PPP3CA: variants seen among roughly 807,000 people sequenced by gnomAD.
PPP3CA encodes CAM-PRP catalytic subunit.
A neutral mutation model predicts 66.5 loss-of-function variants in PPP3CA; 14 were observed. That is an observed-to-expected ratio of 0.21 (90% CI 0.14 to 0.33). The LOEUF is 0.33. PPP3CA is among the 10% of genes least tolerant of loss of function. The pLI, the probability that PPP3CA is intolerant of heterozygous loss-of-function variation, is 1.00. For missense variants in PPP3CA, 317 were observed against 639.5 expected (o/e 0.50, Z 5.44); for synonymous variants, 232 against 226.2 (o/e 1.03, Z -0.23).
intron 2 of PPP3CA, among the ~76,000 whole-genome samples, chr4:101,133,033 T>G (rs1722499659): frequency 8.0e-6 from 1 of 125,576 alleles, no homozygotes; most frequent in Non-Finnish European, 1.6e-5. Context: ...AAAAAGGCCT[T>G]CGATAAAATT....
intron 8 of PPP3CA, among the ~76,000 whole-genome samples, chr4:101,073,364 C>T (rs1034071900): frequency 6.6e-6 from 1 of 151,586 alleles, no homozygotes; most frequent in South Asian, 2.1e-4. Context: ...GCAACCTCGG[C>T]CTCCCGGGTT....
intron 6 of PPP3CA, among the ~76,000 whole-genome samples, chr4:101,091,811 T>A (rs1729953663): frequency 6.9e-6 from 1 of 145,410 alleles, no homozygotes; most frequent in African/African-American, 2.6e-5. Context: ...CAGGTTAAGT[T>A]CTTCAGTATC....
chr4:101,106,437 GAAAGAAAGAAAGAAAGA>G lies in PPP3CA; in HGVS notation c.384+2500_384+2516del, dbSNP rs1560604941. On this transcript the variant is annotated intron_variant, in intron 3 of 13. Transcript: ENST00000394854. ...AGAAAGAAAGAAAGAAAGAAAGAAA[GAAAGAAAGAAAGAAAGA>G]GAAAAGAAAAGAAAAGAAAAGAAAA... Among the ~76,000 whole-genome samples the G allele has an allele frequency of 6.8e-3, 83 of 12,146 alleles. 20 individuals carry two copies. Among genetic ancestry groups the G allele is most frequent in the African/African-American group, 0.021 (78 of 3,778 alleles). 8.0% of individuals were successfully genotyped at this position (12,146 alleles called of 152,430 possible). A position where few individuals can be genotyped will look rare whatever the true frequency, so the allele number is the denominator to read the frequency against.
chr4:101,233,529 A>G (rs1726030760), intron 1 of PPP3CA, among the ~76,000 whole-genome samples: 2 of 151,752 alleles, frequency 1.3e-5, no homozygotes, highest in African/African-American at 4.8e-5. Context: ...ATGTAAATAA[A>G]CCTTAAAATG....
intron 1 of PPP3CA, among the ~76,000 whole-genome samples, chr4:101,329,156 C>A (rs1729295390): frequency 2.0e-5 from 3 of 152,132 alleles, no homozygotes; most frequent in African/African-American, 4.8e-5. Context: ...AGGAAAAGTT[C>A]TTCAAAGAAA....
At chr4:101,167,392 A>G (rs1029469231) in intron 2 of PPP3CA, among the ~76,000 whole-genome samples, 1 of 152,212 alleles carries the variant, frequency 6.6e-6, no homozygotes, top group Non-Finnish European at 1.5e-5. Context: ...AAAGCATCAA[A>G]GAGGAGCTTA....
chr4:101,286,750 G>T (rs1174497631), intron 1 of PPP3CA, among the ~76,000 whole-genome samples: 1 of 152,084 alleles, frequency 6.6e-6, no homozygotes, highest in Admixed American at 6.5e-5. Flanking sequence ...TTAAGTATAA[G>T]AAATTCAGCT....
At chr4:101,032,449 A>G in intron 11 of PPP3CA, 85 bp from the exon 12 acceptor site, 2 of 1,094,698 alleles carry the variant, frequency 1.8e-6, no homozygotes, top group Non-Finnish European at 2.7e-6. Flanking sequence ...AAAAATGCAT[A>G]TAAGCACCCA....
Position 101,307,717 on chromosome 4 carries a change from A to C in PPP3CA, c.58+39022T>G, listed in dbSNP as rs185648062. Among the ~76,000 whole-genome samples the C allele has an allele frequency of 1.4e-4, 21 of 152,318 alleles. No individual in the cohort carries two copies. The East Asian group carries it at 3.5e-3, about 25-fold the overall frequency. ...AAATCTACCAGATGTACTTGTGGCCAACACTTGGAACACTTGGTGCCTAGT... is the reference window on the plus strand; with the variant it reads ...AAATCTACCAGATGTACTTGTGGCCCACACTTGGAACACTTGGTGCCTAGT... On this transcript the variant is annotated intron_variant, in intron 1 of 13. Transcript: ENST00000394854.
At chr4:101,267,566 T>C (rs1373662128) in intron 1 of PPP3CA, among the ~76,000 whole-genome samples, 3 of 152,106 alleles carry the variant, frequency 2.0e-5, no homozygotes, top group Non-Finnish European at 4.4e-5. Flanking sequence ...GCCCGTACTA[T>C]ACTGAGATGG....
chr4:101,279,249 T>A (rs1219695377), intron 1 of PPP3CA, among the ~76,000 whole-genome samples: 2 of 152,136 alleles, frequency 1.3e-5, no homozygotes, highest in East Asian at 3.9e-4. Context: ...AAATGTGTGA[T>A]CCAAGAGCAG....
intron 1 of PPP3CA, among the ~76,000 whole-genome samples, chr4:101,332,741 G>T (rs1213768545): frequency 6.6e-6 from 1 of 152,168 alleles, no homozygotes; most frequent in Non-Finnish European, 1.5e-5. Flanking sequence ...TAAAAAATTA[G>T]TATCGTTTCC....
At chr4:101,196,165 A>G in intron 1 of PPP3CA, 49 bp from the exon 2 acceptor site, 1 of 1,538,134 alleles carries the variant, frequency 6.5e-7, no homozygotes, top group Non-Finnish European at 8.9e-7. Flanking sequence ...CTCAACAACA[A>G]ACAATGCAAT....
intron 2 of PPP3CA, among the ~76,000 whole-genome samples, chr4:101,146,893 C>G (rs929846581): frequency 6.6e-6 from 1 of 152,126 alleles, no homozygotes; most frequent in Admixed American, 6.6e-5. Context: ...GGTTCAGCAG[C>G]CCTAAGCATT....
At chr4:101,156,247 C>T (rs1723315013) in intron 2 of PPP3CA, among the ~76,000 whole-genome samples, 1 of 152,196 alleles carries the variant, frequency 6.6e-6, no homozygotes, top group East Asian at 1.9e-4. Context: ...CATCTCAACT[C>T]AGGGGGCCTT....
intron 2 of PPP3CA, among the ~76,000 whole-genome samples, chr4:101,117,127 A>T (rs1166162457): frequency 2.0e-5 from 3 of 151,870 alleles, no homozygotes; most frequent in African/African-American, 7.2e-5. Context: ...ATAAACTGTT[A>T]GCCAATGTTA....
At chr4:101,165,904 G>C (rs1464614837) in intron 2 of PPP3CA, among the ~76,000 whole-genome samples, 1 of 152,120 alleles carries the variant, frequency 6.6e-6, no homozygotes, top group Non-Finnish European at 1.5e-5. Flanking sequence ...TAGTTAAAAG[G>C]AAAGTAGATG....
At chr4:101,298,841 CTGTGTGTGTGTGTGTGTGTGTGTG>C (rs57507050) in intron 1 of PPP3CA, among the ~76,000 whole-genome samples, 27,428 of 140,028 alleles carry the variant, frequency 0.2, 3,174 homozygotes, top group East Asian at 0.5. Flanking sequence ...CAAGGGTCTA[CTGTGTGTGTGTGTGTGTGTGTGTG>C]TGTGTGTGTG....
intron 1 of PPP3CA, among the ~76,000 whole-genome samples, chr4:101,197,807 C>T (rs181310769): frequency 6.6e-6 from 1 of 152,222 alleles, no homozygotes; most frequent in East Asian, 1.9e-4. Flanking sequence ...TATTAAGCAC[C>T]TTGCCCAAGA....
Sources: gnomAD v4.1 joint callset for allele counts (sites outside exome capture counted in the v4.1 genomes callset) on GRCh38, gnomAD v4.1.1 for gene constraint, MANE v1.5 for transcripts, NCBI Gene and HGNC (gene_info 2026-07-23, HGNC 2026-07-21) for gene names.